The following PRSS21 variants were observed in gnomAD, a reference collection of about 807,000 sequenced individuals.
PRSS21 encodes serine protease 21.
PRSS21 carries 40 observed loss-of-function variants against 31.1 expected under a neutral mutation model. The observed-to-expected ratio is 1.29, with a 90% CI of 1.00 to 1.68. The LOEUF (loss-of-function observed/expected upper bound fraction) is 1.68. PRSS21 is among the 40% of genes most tolerant of loss of function. The pLI, the probability that PRSS21 is intolerant of heterozygous loss-of-function variation, is 0.00. For missense variants in PRSS21, 467 were observed against 412.6 expected (o/e 1.13, Z -1.14); for synonymous variants, 186 against 167.7 (o/e 1.11, Z -0.84).
rs1567272796 is a variant in PRSS21, at chr16:2,817,527, TAGA to T, written c.91+72_91+74del. The T allele has an allele frequency of 8.3e-6, 5 of 605,906 alleles. No individual in the cohort carries two copies. Among genetic ancestry groups the T allele is most frequent in the Non-Finnish European group, 1.2e-5 (5 of 407,846 alleles). 37.5% of individuals were successfully genotyped at this position (605,906 alleles called of 1,614,324 possible). On this transcript the variant is annotated intron_variant, in intron 2 of 5. Transcript: ENST00000005995. This position sits in a 1 kb window ranked among gnomAD's most constrained non-coding sequence, Gnocchi z 4.2. Reference sequence around the variant, plus strand: ...AGGTGGACGGGGGGCGGTGAGGGGGTAGAGGGGGGCCTTTACTGCTCTCTCGCC... The same window carrying T: ...AGGTGGACGGGGGGCGGTGAGGGGGTGGGGGGCCTTTACTGCTCTCTCGCC...
chr16:2,817,815 C>G lies in PRSS21; in HGVS notation c.106C>G (p.Arg36Gly). Residue 36 changes from arginine (R) to glycine (G), a missense_variant, in exon 3 of 6, where the codon CGG becomes GGG. Physicochemically the swap from Arg to Gly is moderately radical, Grantham distance 125 (BLOSUM62 -2). Transcript: ENST00000005995. This position sits in a 1 kb window ranked among gnomAD's most constrained non-coding sequence, Gnocchi z 4.2. ...AAPLSGPCGR[R>G]VITSRIVGGE... ...GACCATCCGAGGACCATGCGGCCGA[C>G]GGGTCATCACGTCGCGCATCGTGGG... is the stretch of plus-strand genomic sequence containing the variant. The G allele has an allele frequency of 1.3e-6, 2 of 1,550,220 alleles. No homozygotes were observed. The highest frequency in any genetic ancestry group is 4.9e-5 in the East Asian group (2 of 40,964).
chr16:2,817,517 G>A lies in PRSS21; in HGVS notation c.91+61G>A. The A allele has an allele frequency of 1.5e-6, 2 of 1,304,072 alleles. No individual in the cohort carries two copies. Among genetic ancestry groups the A allele is most frequent in the South Asian group, 2.7e-5 (2 of 73,860 alleles). 80.8% of individuals were successfully genotyped at this position (1,304,072 alleles called of 1,614,324 possible). ...CGTTGGGCCGAGGTGGACGGGGGGC[G>A]GTGAGGGGGTAGAGGGGGGCCTTTA... On this transcript the variant is annotated intron_variant, in intron 2 of 5. Coordinates refer to ENST00000005995, the MANE Select transcript of PRSS21 (RefSeq NM_006799.4). The surrounding 1 kb of genome is among the most constrained non-coding windows in gnomAD (Gnocchi z 4.2).
rs541166032 is a variant in PRSS21, at chr16:2,819,654, C to G, written c.550+685C>G. ...ACAATAACAAACGTGGTTCCTTGAG[C>G]ACACGCTGTGTGCCTGGCACTGTTC... On this transcript the variant is annotated intron_variant, in intron 4 of 5. Coordinates refer to ENST00000005995, the MANE Select transcript of PRSS21 (RefSeq NM_006799.4). Among the ~76,000 whole-genome samples, 22 of 152,366 alleles carry G rather than the reference C, an allele frequency of 1.4e-4. No homozygotes were observed. In the East Asian group the frequency reaches 4.2e-3, roughly 29 times the overall value.
rs762176448 is a variant in PRSS21 at position 2,821,007 on chromosome 16, C to T, written c.603C>T (p.Asn201=). 6.2e-7 allele frequency: 1 copy of T among 1,614,110 alleles called. No individual in the cohort carries two copies. ...LQEVQVAIIN[N]SMCNHLFLKY... is the part of the protein sequence containing the mutation. ...AAGTTCAGGTCGCCATCATAAACAA[C>T]TCTATGTGCAACCACCTCTTCCTCA... The change falls in exon 5 of 6, where the codon AAC becomes AAT. Residue 201 remains asparagine, a synonymous_variant. Transcript: ENST00000005995.
In PRSS21 at chr16:2,817,649, C is replaced by T. The variant is rs2069098970; in HGVS notation, c.92-152C>T. 2 of 1,263,618 alleles carry T rather than the reference C, an allele frequency of 1.6e-6. No individual in the cohort carries two copies. Among genetic ancestry groups the T allele is most frequent in the East Asian group, 5.1e-5 (2 of 39,242 alleles). The allele number at this position is 1,263,618 out of a possible 1,614,324, so 78.3% of individuals were successfully genotyped here. A position where few individuals can be genotyped will look rare whatever the true frequency, so the allele number is the denominator to read the frequency against. On this transcript the variant is annotated intron_variant, in intron 2 of 5. Transcript: ENST00000005995. The surrounding 1 kb of genome is among the most constrained non-coding windows in gnomAD (Gnocchi z 4.2). Reference sequence around the variant, plus strand: ...GGCCCTGCAGAGCACGTGGGAGGATCTCCAGTGTCACCTACTTCCTGCTGC... The same window carrying T: ...GGCCCTGCAGAGCACGTGGGAGGATTTCCAGTGTCACCTACTTCCTGCTGC...
Position 2,817,708 on chromosome 16 carries a change from G to T in PRSS21, c.92-93G>T. On this transcript the variant is annotated intron_variant, in intron 2 of 5. Transcript: ENST00000005995. The surrounding 1 kb of genome is among the most constrained non-coding windows in gnomAD (Gnocchi z 4.2). ...GAGGGGACCCTGGGTGGGCAAAAACGTGCTTTCCCGGACGGGGTTGAAGGG... is the reference window on the plus strand; with the variant it reads ...GAGGGGACCCTGGGTGGGCAAAAACTTGCTTTCCCGGACGGGGTTGAAGGG... 1 of 1,473,266 alleles carries T rather than the reference G, an allele frequency of 6.8e-7. No homozygotes were observed. The highest frequency in any genetic ancestry group is 2.5e-5 in the East Asian group (1 of 40,222). 91.3% of individuals were successfully genotyped at this position (1,473,266 alleles called of 1,614,324 possible).
At chr16:2,820,297 G>C (rs1732317224) in intron 4 of PRSS21, among the ~76,000 whole-genome samples, 1 of 152,230 alleles carries the variant, frequency 6.6e-6, no homozygotes, top group Admixed American at 6.5e-5. Context: ...GACGGGAAGC[G>C]CTGCCTGCAG....
intron 3 of PRSS21, 135 bp downstream of exon 3, chr16:2,818,101 C>T (rs919157790): frequency 4.8e-5 from 55 of 1,157,342 alleles, no homozygotes; most frequent in Non-Finnish European, 5.9e-5. Flanking sequence ...TGGTGTTCTC[C>T]TGAGCCCCAG....
chr16:2,821,542 C>G lies in PRSS21; in HGVS notation c.882C>G (p.Asp294Glu), dbSNP rs536996341. ...CCCAGAGTGGCATGTCCCAGCCAGA[C>G]CCCTCCTGGCCGCTACTCTTTTTCC... Reference protein sequence around the residue: ...LMAQSGMSQPDPSWPLLFFPL... With the variant: ...LMAQSGMSQPEPSWPLLFFPL... Residue 294 changes from aspartate (D) to glutamate (E), a missense_variant, in exon 6 of 6, where the codon GAC becomes GAG. Asp to Glu is a conservative substitution (Grantham distance 45). Coordinates refer to ENST00000005995, the MANE Select transcript of PRSS21 (RefSeq NM_006799.4). The G allele has an allele frequency of 3.1e-6, 5 of 1,614,090 alleles. No individual in the cohort carries two copies.
chr16:2,818,704 G>A lies in PRSS21; in HGVS notation c.285G>A (p.Gly95=), dbSNP rs751146339. Residue 95 remains glycine (G), a synonymous_variant, in exon 4 of 6, where the codon GGG becomes GGA. Coordinates refer to ENST00000005995, the MANE Select transcript of PRSS21 (RefSeq NM_006799.4). ...ETYSDLSDPS[G]WMVQFGQLTS... Reference sequence around the variant, plus strand: ...ATAGTGACCTTAGTGATCCCTCCGGGTGGATGGTCCAGTTTGGCCAGCTGA... The same window carrying A: ...ATAGTGACCTTAGTGATCCCTCCGGATGGATGGTCCAGTTTGGCCAGCTGA... 2.5e-6 allele frequency: 4 copies of A among 1,614,080 alleles called. No homozygotes were observed. The highest frequency in any genetic ancestry group is 3.4e-6 in the Non-Finnish European group (4 of 1,180,040).
chr16:2,819,680 T>G (rs571139070), intron 4 of PRSS21, among the ~76,000 whole-genome samples: 5 of 152,214 alleles, frequency 3.3e-5, no homozygotes, highest in Admixed American at 6.5e-5. Context: ...GGCACTGTTC[T>G]AGACATGGGG....
rs143913975 is a variant in PRSS21 at position 2,818,765 on chromosome 16, T to G, written c.346T>G (p.Tyr116Asp). ...ATCCTTCTGGAGCCTGCAGGCCTAC[T>G]ACACCCGTTACTTCGTATCGAATAT... The part of the protein sequence containing the change: ...MPSFWSLQAY[Y>D]TRYFVSNIYL... Residue 116 changes from tyrosine (Y) to aspartate (D), a missense_variant, in exon 4 of 6, where the codon TAC becomes GAC. Transcript: ENST00000005995. 1.9e-6 allele frequency: 3 copies of G among 1,613,618 alleles called. No homozygotes were observed. Among genetic ancestry groups the G allele is most frequent in the Non-Finnish European group, 2.5e-6 (3 of 1,179,482 alleles).
chr16:2,821,207 C>CAGATG, intron 5 of PRSS21, 98 bp downstream of exon 5: 1 of 1,549,816 alleles, frequency 6.5e-7, no homozygotes, highest in Non-Finnish European at 8.8e-7. Flanking sequence ...GAGACTGTTG[C>CAGATG]CCCACTCTGC....
At chr16:2,818,496 C>T (rs2069117015) in intron 3 of PRSS21, among the ~76,000 whole-genome samples, 181 bp from the exon 4 acceptor site, 1 of 152,208 alleles carries the variant, frequency 6.6e-6, no homozygotes, top group Non-Finnish European at 1.5e-5. Flanking sequence ...CCTTCTGCTG[C>T]AGGAGCAGGT....
At chr16:2,819,479 G>A (rs1351665564) in intron 4 of PRSS21, among the ~76,000 whole-genome samples, 2 of 152,190 alleles carry the variant, frequency 1.3e-5, no homozygotes, top group African/African-American at 4.8e-5. Flanking sequence ...TGGCACCTGC[G>A]TGTCCCCCAA....
chr16:2,818,358 A>G (rs1053983768), intron 3 of PRSS21, among the ~76,000 whole-genome samples: 1 of 152,138 alleles, frequency 6.6e-6, no homozygotes, highest in Non-Finnish European at 1.5e-5. Context: ...TGTGGACTCC[A>G]TCCTGCCAAT....
chr16:2,817,497 G>A lies in PRSS21; in HGVS notation c.91+41G>A. 1.3e-6 allele frequency: 2 copies of A among 1,538,176 alleles called. No individual in the cohort carries two copies. The highest frequency in any genetic ancestry group is 2.4e-5 in the South Asian group (2 of 84,468). ...CGCGCGATTCCTGCCAGGGCCGTTG[G>A]GCCGAGGTGGACGGGGGGCGGTGAG... On this transcript the variant is annotated intron_variant, in intron 2 of 5. Coordinates refer to ENST00000005995, the MANE Select transcript of PRSS21 (RefSeq NM_006799.4). This position sits in a 1 kb window ranked among gnomAD's most constrained non-coding sequence, Gnocchi z 4.2.
chr16:2,820,555 G>A (rs912938104), intron 4 of PRSS21, among the ~76,000 whole-genome samples: 44 of 152,106 alleles, frequency 2.9e-4, no homozygotes, highest in Admixed American at 7.2e-4. Context: ...CCTGGAAAGC[G>A]CCCAGCTGCT....
At position 2,817,693 on chromosome 16, in the gene PRSS21, T is replaced by G; in HGVS notation, c.92-108T>G. ...CTGCTGCACACACGCGAGGGGACCC[T>G]GGGTGGGCAAAAACGTGCTTTCCCG... is the stretch of plus-strand genomic sequence containing the variant. On this transcript the variant is annotated intron_variant, in intron 2 of 5. Coordinates refer to ENST00000005995, the MANE Select transcript of PRSS21 (RefSeq NM_006799.4). This position sits in a 1 kb window ranked among gnomAD's most constrained non-coding sequence, Gnocchi z 4.2. 7.0e-7 allele frequency: 1 copy of G among 1,427,594 alleles called. No individual in the cohort carries two copies. Among genetic ancestry groups the G allele is most frequent in the South Asian group, 1.3e-5 (1 of 74,230 alleles). The allele number at this position is 1,427,594 out of a possible 1,614,324, so 88.4% of individuals were successfully genotyped here.
Sources: allele counts gnomAD v4.1 joint callset (sites outside exome capture counted in the v4.1 genomes callset), GRCh38; gene constraint gnomAD v4.1.1; non-coding constraint Gnocchi (gnomAD v3.1); transcripts MANE v1.5; gene names NCBI Gene and HGNC (gene_info 2026-07-23, HGNC 2026-07-21).